Variants in ATP2C1 observed in about 807,000 individuals in gnomAD.
ATP2C1 encodes the protein ATPase secretory pathway Ca2+ transporting 1.
A neutral mutation model predicts 120.5 loss-of-function variants in ATP2C1; 31 were observed. The observed-to-expected ratio is 0.26, with a 90% CI of 0.19 to 0.35. ATP2C1 has a LOEUF of 0.35. ATP2C1 is among the 10% of genes least tolerant of loss of function. The pLI is 1.00. For synonymous variants in ATP2C1, 351 were observed against 358.7 expected (o/e 0.98, Z 0.24); for missense variants, 731 against 1,107.5 (o/e 0.66, Z 4.83).
intron 1 of ATP2C1, among the ~76,000 whole-genome samples, chr3:130,854,604 C>T (rs2067778565): frequency 2.0e-5 from 3 of 152,170 alleles, no homozygotes; most frequent in South Asian, 4.1e-4. Context: ...ATTTGCTCCA[C>T]TTCTGGGCTG....
chr3:130,929,234 G>A (rs1266930573), intron 2 of ATP2C1, among the ~76,000 whole-genome samples: 1 of 152,082 alleles, frequency 6.6e-6, no homozygotes. Context: ...ACGTCCAACT[G>A]TACTTTTTAC....
At chr3:130,993,053 C>G (rs895384677) in intron 21 of ATP2C1, 52 bp downstream of exon 21, 27 of 1,500,310 alleles carry the variant, frequency 1.8e-5, no homozygotes, top group Non-Finnish European at 2.2e-5. Flanking sequence ...AATGCTGCTA[C>G]TTTACTTTTG....
chr3:130,947,300 C>A (rs1045692286), intron 8 of ATP2C1, among the ~76,000 whole-genome samples: 2 of 152,068 alleles, frequency 1.3e-5, no homozygotes, highest in Non-Finnish European at 2.9e-5. Flanking sequence ...ATGTGCATAT[C>A]ATACAGTTCA....
At chr3:130,902,278 C>T (rs1307409386) in intron 2 of ATP2C1, among the ~76,000 whole-genome samples, 1 of 107,898 alleles carries the variant, frequency 9.3e-6, no homozygotes, top group African/African-American at 4.0e-5. Context: ...AATTTCAAGG[C>T]TTCACGTTTT....
upstream of ATP2C1, among the ~76,000 whole-genome samples, chr3:130,892,186 G>A (rs1262435350): frequency 6.6e-6 from 1 of 152,166 alleles, no homozygotes; most frequent in Non-Finnish European, 1.5e-5. Context: ...TTAGAAAAAT[G>A]TTTCAGCTAA....
intron 6 of ATP2C1, among the ~76,000 whole-genome samples, chr3:130,938,681 G>T (rs1745663): frequency 0.89 from 135,681 of 152,206 alleles, 60,762 homozygotes; most frequent in Non-Finnish European, 0.95. Context: ...CATAGGTCAT[G>T]TCAGGCTAAC....
At chr3:130,904,892 G>C (rs2058053855) in intron 2 of ATP2C1, among the ~76,000 whole-genome samples, 1 of 151,956 alleles carries the variant, frequency 6.6e-6, no homozygotes, top group Non-Finnish European at 1.5e-5. Flanking sequence ...ATGGCTTTGT[G>C]GATATTTTGC....
rs2069374620 is a variant in ATP2C1, at chr3:130,894,269, C to T, written c.-249C>T. ...GAGCAGCTCCTCTTCTCCCGAGGCG[C>T]GCGGGGCGCCCCCGCGAGCCCCGCG... On this transcript the variant is annotated 5_prime_UTR_variant, in exon 1 of 28. Transcript: ENST00000510168. The surrounding 1 kb of genome is among the most constrained non-coding windows in gnomAD (Gnocchi z 4.5). The T allele has an allele frequency of 1.0e-6, 1 of 985,922 alleles. No individual in the cohort carries two copies. Among genetic ancestry groups the T allele is most frequent in the Admixed American group, 6.1e-5 (1 of 16,390 alleles). 61.1% of individuals were successfully genotyped at this position (985,922 alleles called of 1,614,324 possible). A position where few individuals can be genotyped will look rare whatever the true frequency, so the allele number is the denominator to read the frequency against.
At chr3:130,988,404 A>C (rs756140876) in intron 20 of ATP2C1, among the ~76,000 whole-genome samples, 9 of 152,208 alleles carry the variant, frequency 5.9e-5, no homozygotes, top group Admixed American at 2.6e-4. Flanking sequence ...TTCTGAAAAT[A>C]TGTGGCCTTG....
chr3:130,902,297 G>GTTTTTT (rs398052267), intron 2 of ATP2C1, among the ~76,000 whole-genome samples: 9 of 13,252 alleles, frequency 6.8e-4, no homozygotes, highest in East Asian at 2.1e-3. Context: ...TTTTTTTTTT[G>GTTTTTT]TTTTTTTTTT....
At chr3:130,989,319 C>T (rs1442207469) in intron 20 of ATP2C1, among the ~76,000 whole-genome samples, 1 of 149,834 alleles carries the variant, frequency 6.7e-6, no homozygotes, top group Non-Finnish European at 1.5e-5. Context: ...CTGTAATGCA[C>T]TTTGGGAGGC....
At chr3:130,917,293 G>A (rs1210632672) in intron 2 of ATP2C1, among the ~76,000 whole-genome samples, 1 of 152,184 alleles carries the variant, frequency 6.6e-6, no homozygotes, top group African/African-American at 2.4e-5. Flanking sequence ...GGATTTGTTG[G>A]CATATTATCC....
intron 21 of ATP2C1, among the ~76,000 whole-genome samples, chr3:130,993,311 G>C (rs567941987): frequency 1.3e-5 from 2 of 152,260 alleles, no homozygotes; most frequent in East Asian, 3.9e-4. Flanking sequence ...TAATTAGTTA[G>C]AAACTAAATA....
intron 6 of ATP2C1, among the ~76,000 whole-genome samples, chr3:130,938,063 A>G (rs2059744770): frequency 6.6e-6 from 1 of 152,196 alleles, no homozygotes; most frequent in Non-Finnish European, 1.5e-5. Flanking sequence ...CTCCCTTTAA[A>G]ACAATTTCTC....
At chr3:130,989,233 G>T (rs2062177697) in intron 20 of ATP2C1, among the ~76,000 whole-genome samples, 1 of 131,516 alleles carries the variant, frequency 7.6e-6, no homozygotes, top group Non-Finnish European at 1.6e-5. Flanking sequence ...GGCTACAAGA[G>T]CGAAAATCCA....
In ATP2C1 at chr3:130,932,691, A is replaced by G. The variant is rs529846807; in HGVS notation, c.234+553A>G. ...CTTATTCTAGACTGCTTTTATCTTG[A>G]TAACGATTGTGTTAATGTAAAAAGT... On this transcript the variant is annotated intron_variant, in intron 4 of 27. Transcript: ENST00000510168. 2.0e-5 allele frequency among the ~76,000 whole-genome samples: 3 copies of G among 152,244 alleles called. No individual in the cohort carries two copies. In the East Asian group the frequency reaches 5.8e-4, roughly 29 times the overall value.
chr3:130,923,683 C>T (rs1253087727), intron 2 of ATP2C1, among the ~76,000 whole-genome samples: 1 of 151,544 alleles, frequency 6.6e-6, no homozygotes, highest in African/African-American at 2.4e-5. Flanking sequence ...GCCTTGCAAA[C>T]ATGGTGAAAC....
chr3:131,005,948 G>A (rs183882309), downstream of ATP2C1, among the ~76,000 whole-genome samples: 11 of 151,378 alleles, frequency 7.3e-5, no homozygotes, highest in Non-Finnish European at 1.0e-4. Flanking sequence ...AGGTGAGAGC[G>A]TGTGTGTGTG....
In ATP2C1 at chr3:130,972,589, C is replaced by T. The variant is rs367966023; in HGVS notation, c.1414-2743C>T. 4.4e-4 allele frequency among the ~76,000 whole-genome samples: 66 copies of T among 150,494 alleles called. 1 individual carries two copies. In the East Asian group the frequency reaches 7.1e-3, roughly 16 times the overall value. ...CTGCACCCATTAACTCATCATTTAG[C>T]ATTAGGTATATCTCCTAATGCTATC... is the stretch of plus-strand genomic sequence containing the variant. On this transcript the variant is annotated intron_variant, in intron 17 of 27. Transcript: ENST00000510168.
Sources: gnomAD v4.1 joint callset for allele counts (sites outside exome capture counted in the v4.1 genomes callset) on GRCh38, gnomAD v4.1.1 for gene constraint, Gnocchi (gnomAD v3.1) non-coding constraint, MANE v1.5 for transcripts, NCBI Gene and HGNC (gene_info 2026-07-23, HGNC 2026-07-21) for gene names.